ADGRV1: variants seen among roughly 807,000 people sequenced by gnomAD.
The protein encoded by ADGRV1 is adhesion G protein-coupled receptor V1, also known as G-protein coupled receptor 98.
A neutral mutation model predicts 596.2 loss-of-function variants in ADGRV1; 359 were observed. The ratio of observed to expected loss-of-function variants is 0.60; its 90% CI spans 0.55 to 0.66. ADGRV1 has a LOEUF of 0.66. ADGRV1 is among the 30% of genes least tolerant of loss of function. The pLI is 0.00. For missense variants in ADGRV1, 7,274 were observed against 7,575.6 expected (o/e 0.96, Z 1.48); for synonymous variants, 2,681 against 2,679.2 (o/e 1.00, Z -0.02).
intron 27 of ADGRV1, among the ~76,000 whole-genome samples, chr5:90,682,600 T>C (rs1745093467): frequency 6.6e-6 from 1 of 152,196 alleles, no homozygotes; most frequent in Non-Finnish European, 1.5e-5. Context: ...CACTCAAACA[T>C]ATCCTTCTGT....
At chr5:90,657,459 A>C (rs2149478476) in intron 20 of ADGRV1, among the ~76,000 whole-genome samples, 1 of 152,122 alleles carries the variant, frequency 6.6e-6, no homozygotes, top group Non-Finnish European at 1.5e-5. Context: ...TAAATAAATA[A>C]ATACATAATT....
At position 91,102,355 on chromosome 5, in the gene ADGRV1, T is replaced by C; in HGVS notation, c.18432+15T>C. Reference sequence around the variant, plus strand: ...ACAGTCTGCAGGTAAGCCTTACAATTTGGTTAGTGACAACATACATTTATC... The same window carrying C: ...ACAGTCTGCAGGTAAGCCTTACAATCTGGTTAGTGACAACATACATTTATC... On this transcript the variant is annotated intron_variant, in intron 87 of 89. Coordinates refer to ENST00000405460, the MANE Select transcript of ADGRV1 (RefSeq NM_032119.4). The C allele has an allele frequency of 2.6e-6, 4 of 1,568,416 alleles. No homozygotes were observed. The highest frequency in any genetic ancestry group is 3.5e-6 in the Non-Finnish European group (4 of 1,159,196).
intron 83 of ADGRV1, among the ~76,000 whole-genome samples, chr5:90,882,591 G>A (rs139234389): frequency 1.8e-4 from 27 of 152,242 alleles, no homozygotes; most frequent in African/African-American, 5.8e-4. Context: ...GTTCTGGATG[G>A]GGAAACTCCC....
At chr5:90,687,291 C>T (rs1236985386) in intron 29 of ADGRV1, among the ~76,000 whole-genome samples, 3 of 152,162 alleles carry the variant, frequency 2.0e-5, no homozygotes, top group Non-Finnish European at 4.4e-5. Flanking sequence ...TTGCCCATGC[C>T]TATGTCCTGA....
chr5:90,773,602 A>G (rs1757921063), intron 59 of ADGRV1, among the ~76,000 whole-genome samples: 1 of 152,224 alleles, frequency 6.6e-6, no homozygotes, highest in African/African-American at 2.4e-5. Flanking sequence ...GTAAAAGAAA[A>G]CTGAAACATG....
At chr5:90,982,064 G>T (rs990555048) in intron 84 of ADGRV1, among the ~76,000 whole-genome samples, 7 of 152,004 alleles carry the variant, frequency 4.6e-5, no homozygotes, top group Non-Finnish European at 8.8e-5. Context: ...CTCCAGCCTG[G>T]GTGACAGAGC....
chr5:90,723,497 C>T (rs952484574), intron 45 of ADGRV1, among the ~76,000 whole-genome samples: 6 of 152,084 alleles, frequency 3.9e-5, no homozygotes, highest in African/African-American at 1.2e-4. Context: ...GAGCACATGT[C>T]GGAGATTCTT....
Position 90,810,773 on chromosome 5 carries a change from G to A in ADGRV1, c.15513G>A (p.Gln5171=). 2 of 1,613,908 alleles carry A rather than the reference G, an allele frequency of 1.2e-6. No individual in the cohort carries two copies. The highest frequency in any genetic ancestry group is 1.7e-6 in the Non-Finnish European group (2 of 1,179,872). Residue 5171 remains glutamine, a synonymous_variant, in exon 74 of 90, where the codon CAG becomes CAA. Transcript: ENST00000405460. ...CAAGCAAGACGACTACCATTCTGCA[G>A]CCAACCAACGTGGTTGCCATTGTTA... ...LSTSKTTTIL[Q]PTNVVAIVTE...
chr5:90,575,418 A>G (rs1580319875), intron 1 of ADGRV1, among the ~76,000 whole-genome samples: 1 of 151,978 alleles, frequency 6.6e-6, no homozygotes, highest in Admixed American at 6.6e-5. Flanking sequence ...ACGCCCAGCT[A>G]ATTTTTGTAT....
In ADGRV1 at chr5:90,653,529, C is replaced by T. The variant is rs372789540; in HGVS notation, c.3955C>T (p.Arg1319Trp). ...PTTVHLQQHM[R>W]RHHSGTDALY... Reference sequence around the variant, plus strand: ...CACCGTGCATTTACAACAGCACATGCGGCGTCACCACAGTGGAACGGATGC... The same window carrying T: ...CACCGTGCATTTACAACAGCACATGTGGCGTCACCACAGTGGAACGGATGC... Residue 1319 changes from arginine to tryptophan, a missense_variant, in exon 20 of 90, where the codon CGG becomes TGG. Transcript: ENST00000405460. 73 of 1,613,818 alleles carry T rather than the reference C, an allele frequency of 4.5e-5. No individual in the cohort carries two copies. Among genetic ancestry groups the T allele is most frequent in the African/African-American group, 1.2e-4 (9 of 75,014 alleles).
rs1228694723 is a variant in ADGRV1 at position 90,683,964 on chromosome 5, T to G, written c.6043T>G (p.Tyr2015Asp). 3 of 1,613,932 alleles carry G rather than the reference T, an allele frequency of 1.9e-6. No homozygotes were observed. Among genetic ancestry groups the G allele is most frequent in the South Asian group, 2.2e-5 (2 of 91,080 alleles). Residue 2015 changes from tyrosine to aspartate, a missense_variant, in exon 28 of 90, where the codon TAT becomes GAT. Transcript: ENST00000405460. The stretch of plus-strand genomic sequence containing the variant: ...CCTCATGGGAAAAGTCCTTGTCTCA[T>G]ATGCAACACTAGATGATATGGAAAA... ...KGLMGKVLVS[Y>D]ATLDDMEKPP...
chr5:90,644,343 G>A (rs1333728985), intron 14 of ADGRV1, among the ~76,000 whole-genome samples: 1 of 152,196 alleles, frequency 6.6e-6, no homozygotes, highest in East Asian at 1.9e-4. Context: ...AGCAGTGTCT[G>A]TCTGGATAAG....
At chr5:91,002,667 T>C (rs1187584772) in intron 85 of ADGRV1, among the ~76,000 whole-genome samples, 1 of 152,188 alleles carries the variant, frequency 6.6e-6, no homozygotes, top group Non-Finnish European at 1.5e-5. Flanking sequence ...TTTCACTTTT[T>C]CTTCTCATGT....
intron 88 of ADGRV1, 108 bp downstream of exon 88, chr5:91,150,329 C>A: frequency 1.2e-6 from 1 of 845,694 alleles, no homozygotes; most frequent in Non-Finnish European, 1.7e-6. Flanking sequence ...GGCTCTCCAC[C>A]TCATAAAGAG....
At chr5:90,823,332 T>G (rs1480544976) in intron 75 of ADGRV1, 93 bp from the exon 76 acceptor site, 1 of 1,268,700 alleles carries the variant, frequency 7.9e-7, no homozygotes, top group East Asian at 2.3e-5. Flanking sequence ...TTGGTATACT[T>G]TGGATGAAGA....
intron 1 of ADGRV1, among the ~76,000 whole-genome samples, chr5:90,605,221 C>T (rs563055334): frequency 2.6e-5 from 4 of 152,080 alleles, no homozygotes; most frequent in Non-Finnish European, 4.4e-5. Context: ...TTGAGACCAT[C>T]CTGGCCAACA....
At chr5:91,034,492 C>T (rs967679696) in intron 85 of ADGRV1, among the ~76,000 whole-genome samples, 8 of 152,140 alleles carry the variant, frequency 5.3e-5, no homozygotes, top group African/African-American at 1.7e-4. Context: ...GTACTACATC[C>T]TCCTAAAGTC....
At chr5:91,072,232 A>C (rs906280507) in intron 85 of ADGRV1, among the ~76,000 whole-genome samples, 1 of 152,166 alleles carries the variant, frequency 6.6e-6, no homozygotes, top group Non-Finnish European at 1.5e-5. Flanking sequence ...ACTTTACAAG[A>C]GGTGAATGTT....
chr5:90,803,679 T>C (rs1271083174), intron 71 of ADGRV1, among the ~76,000 whole-genome samples: 2 of 152,172 alleles, frequency 1.3e-5, no homozygotes, highest in Non-Finnish European at 2.9e-5. Context: ...ATGTGCTTTT[T>C]CTCTTAAAAT....
Sources: allele counts gnomAD v4.1 joint callset (sites outside exome capture counted in the v4.1 genomes callset), GRCh38; gene constraint gnomAD v4.1.1; transcripts MANE v1.5; gene names NCBI Gene and HGNC (gene_info 2026-07-23, HGNC 2026-07-21).